KCNQ1: variants seen among roughly 807,000 people sequenced by gnomAD.
The protein encoded by KCNQ1 is potassium voltage-gated channel subfamily KQT member 1.
A neutral mutation model predicts 72.4 loss-of-function variants in KCNQ1; 49 were observed. That is an observed-to-expected ratio of 0.68 (90% CI 0.54 to 0.86). The LOEUF (loss-of-function observed/expected upper bound fraction) is 0.86. KCNQ1 is among the 40% of genes least tolerant of loss of function. The pLI is 0.00. For missense variants in KCNQ1, 790 were observed against 945.1 expected (o/e 0.84, Z 2.15); for synonymous variants, 450 against 412.6 (o/e 1.09, Z -1.10).
Position 2,587,646 on chromosome 11 carries a change from G to A in KCNQ1, c.1205G>A (p.Ser402Asn), listed in dbSNP as rs878853753. 1 of 1,613,956 alleles carries A rather than the reference G, an allele frequency of 6.2e-7. No individual in the cohort carries two copies. The highest frequency in any genetic ancestry group is 8.5e-7 in the Non-Finnish European group (1 of 1,180,022). The change falls in exon 9 of 16, where the codon AGC becomes AAC. Residue 402 changes from serine (S) to asparagine (N), a missense_variant. Around this residue, in one of 5 missense-constraint regions of KCNQ1, gnomAD observed 178 missense variants for 177.9 expected, o/e 1.00. Transcript: ENST00000155840. ...ATCTACATCCGGAAGGCCCCCCGGA[G>A]CCACACTCTGCTGTCACCCAGCCCC... The part of the protein sequence containing the change: ...WKIYIRKAPR[S>N]HTLLSPSPKP...
In KCNQ1 at chr11:2,526,145, C is replaced by T. The variant is rs545592636; in HGVS notation, c.387-1783C>T. Among the ~76,000 whole-genome samples the T allele has an allele frequency of 7.9e-5, 12 of 152,172 alleles. No individual in the cohort carries two copies. In the South Asian group the frequency reaches 1.7e-3, roughly 21 times the overall value. The stretch of plus-strand genomic sequence containing the variant: ...CACAGTCAGGACTGGCAACAAGGGC[C>T]GGGAGGAGCTGGGGTGATCTGGGGC... On this transcript the variant is annotated intron_variant, in intron 1 of 15. Transcript: ENST00000155840. This position sits in a 1 kb window ranked among gnomAD's most constrained non-coding sequence, Gnocchi z 6.1.
chr11:2,456,483 A>G (rs1046418341), intron 1 of KCNQ1, among the ~76,000 whole-genome samples: 4 of 152,198 alleles, frequency 2.6e-5, no homozygotes, highest in African/African-American at 9.7e-5. Flanking sequence ...GAGCTGCTGC[A>G]CAGCAAGAGA....
Position 2,446,632 on chromosome 11 carries a change from G to T in KCNQ1, c.386+1148G>T, listed in dbSNP as rs1057310134. On this transcript the variant is annotated intron_variant, in intron 1 of 15. Coordinates refer to ENST00000155840, the MANE Select transcript of KCNQ1 (RefSeq NM_000218.3). The surrounding 1 kb of genome is among the most constrained non-coding windows in gnomAD (Gnocchi z 8.8). ...CAGGTGAGGGGGTGGGGTAGGGGTC[G>T]CAGGGCTACTGCCTTCCTTGCTAAG... is the stretch of plus-strand genomic sequence containing the variant. Among the ~76,000 whole-genome samples the T allele has an allele frequency of 6.6e-6, 1 of 152,188 alleles. No homozygotes were observed. Among genetic ancestry groups the T allele is most frequent in the African/African-American group, 2.4e-5 (1 of 41,446 alleles).
intron 10 of KCNQ1, chr11:2,641,033 T>G (rs1849568529): frequency 5.0e-6 from 2 of 398,440 alleles, no homozygotes; most frequent in Non-Finnish European, 8.8e-6. Context: ...CCATTGTATA[T>G]ATTTACCTCA....
intron 15 of KCNQ1, among the ~76,000 whole-genome samples, chr11:2,838,237 G>C (rs1031581778): frequency 6.6e-6 from 1 of 152,242 alleles, no homozygotes; most frequent in African/African-American, 2.4e-5. Flanking sequence ...CCACTGGCAG[G>C]GTCGGGGGAC....
rs7104842 is a variant in KCNQ1 at position 2,603,362 on chromosome 11, G to A, written c.1393+14508G>A. On this transcript the variant is annotated intron_variant, in intron 10 of 15. Transcript: ENST00000155840. The surrounding 1 kb of genome is among the most constrained non-coding windows in gnomAD (Gnocchi z 4.1). ...AAAATGGCACTGATAGACTTGCTCA[G>A]TGCAGGCTTACCACACACATTTAAT... 0.3 allele frequency among the ~76,000 whole-genome samples: 45,644 copies of A among 152,102 alleles called. 7,979 individuals carry two copies. The highest frequency in any genetic ancestry group is 0.48 in the African/African-American group (19,974 of 41,470).
chr11:2,460,207 G>A (rs565151431), intron 1 of KCNQ1, among the ~76,000 whole-genome samples: 89 of 152,306 alleles, frequency 5.8e-4, no homozygotes, highest in African/African-American at 2.0e-3. Context: ...TCCGGGGCAG[G>A]GTGAGTCCCT....
At chr11:2,790,178 T>C (rs1381219178) in intron 15 of KCNQ1, among the ~76,000 whole-genome samples, 1 of 152,180 alleles carries the variant, frequency 6.6e-6, no homozygotes, top group African/African-American at 2.4e-5. Flanking sequence ...CACTGGGTGA[T>C]GGGACCGTGG....
chr11:2,641,158 A>C (rs998848025), intron 10 of KCNQ1: 2 of 398,372 alleles, frequency 5.0e-6, no homozygotes, highest in Non-Finnish European at 8.8e-6. Flanking sequence ...TAGTATACTG[A>C]TATCTTTTCC....
In KCNQ1 at chr11:2,544,294, GTATATATGTGTATATA is replaced by G. The variant is rs1564811967; in HGVS notation, c.477+16278_477+16293del. ...TGTATATATATGTGTATATATATAT[GTATATATGTGTATATA>G]TGTATATATCTATGTATATATATGT... On this transcript the variant is annotated intron_variant, in intron 2 of 15. Transcript: ENST00000155840. The surrounding 1 kb of genome is among the most constrained non-coding windows in gnomAD (Gnocchi z 4.4). Among the ~76,000 whole-genome samples the G allele has an allele frequency of 1.9e-5, 2 of 106,686 alleles. No homozygotes were observed. Among genetic ancestry groups the G allele is most frequent in the Non-Finnish European group, 3.7e-5 (2 of 54,124 alleles). The allele number at this position is 106,686 out of a possible 152,430, so 70.0% of individuals were successfully genotyped here.
At chr11:2,694,607 C>T (rs1178954795) in intron 11 of KCNQ1, 3 of 398,598 alleles carry the variant, frequency 7.5e-6, no homozygotes, top group Non-Finnish European at 8.8e-6. Context: ...CCTCTTCCTT[C>T]GTTCAATAAA....
chr11:2,721,558 C>T (rs533984195), intron 11 of KCNQ1, among the ~76,000 whole-genome samples: 12 of 152,334 alleles, frequency 7.9e-5, no homozygotes, highest in African/African-American at 2.2e-4. Context: ...ATTTACATTC[C>T]GGCGGTCAGC....
In KCNQ1 at chr11:2,559,452, C is replaced by G. The variant is rs921450523; in HGVS notation, c.478-11176C>G. 1.3e-5 allele frequency among the ~76,000 whole-genome samples: 2 copies of G among 152,164 alleles called. No homozygotes were observed. Among genetic ancestry groups the G allele is most frequent in the African/African-American group, 4.8e-5 (2 of 41,430 alleles). On this transcript the variant is annotated intron_variant, in intron 2 of 15. Coordinates refer to ENST00000155840, the MANE Select transcript of KCNQ1 (RefSeq NM_000218.3). The surrounding 1 kb of genome is among the most constrained non-coding windows in gnomAD (Gnocchi z 4.9). ...GGGCCAGCCCCTGTGGTTTTAGCCT[C>G]CTGAGAGTCTCCCCAGACAGCCCAC...
At position 2,847,729 on chromosome 11, in the gene KCNQ1, C is replaced by T. The variant is rs1267436713; in HGVS notation, c.1795-38C>T. 5 of 1,550,872 alleles carry T rather than the reference C, an allele frequency of 3.2e-6. No homozygotes were observed. The African/African-American group carries it at 6.8e-5, about 21-fold the overall frequency. On this transcript the variant is annotated intron_variant, in intron 15 of 15. Coordinates refer to ENST00000155840, the MANE Select transcript of KCNQ1 (RefSeq NM_000218.3). ...AGGCTGTCTGCACACCTGGGTGCTT[C>T]CCACCACTGACTCTCTCGTCTGCCT...
chr11:2,600,405 A>G lies in KCNQ1; in HGVS notation c.1393+11551A>G, dbSNP rs1268481201. Reference sequence around the variant, plus strand: ...AAACACCTACATACCCTTCACTAAGATTTACCAGTTTACTAATTGTTACAT... The same window carrying G: ...AAACACCTACATACCCTTCACTAAGGTTTACCAGTTTACTAATTGTTACAT... On this transcript the variant is annotated intron_variant, in intron 10 of 15. Coordinates refer to ENST00000155840, the MANE Select transcript of KCNQ1 (RefSeq NM_000218.3). This position sits in a 1 kb window ranked among gnomAD's most constrained non-coding sequence, Gnocchi z 5.6. 5.3e-5 allele frequency among the ~76,000 whole-genome samples: 8 copies of G among 152,316 alleles called. No individual in the cohort carries two copies. In the South Asian group the frequency reaches 1.7e-3, roughly 32 times the overall value.
Position 2,624,886 on chromosome 11 carries a change from G to C in KCNQ1, c.1393+36032G>C. ...ATTTCATTTAACATAATGGCCTCGA[G>C]GTTCATCCATGTTGTGGCATGTGTC... On this transcript the variant is annotated intron_variant, in intron 10 of 15. Transcript: ENST00000155840. The surrounding 1 kb of genome is among the most constrained non-coding windows in gnomAD (Gnocchi z 4.9). The C allele has an allele frequency of 2.5e-6, 1 of 398,264 alleles. No homozygotes were observed. Among genetic ancestry groups the C allele is most frequent in the Non-Finnish European group, 4.4e-6 (1 of 226,014 alleles). 24.7% of individuals were successfully genotyped at this position (398,264 alleles called of 1,614,324 possible).
chr11:2,813,115 G>T lies in KCNQ1; in HGVS notation c.1795-34652G>T, dbSNP rs1013330296. ...CCTGTGAGAACCCTGTGCCTAGAAC[G>T]GAGCCTGGTACAGAGGAAGAACCCG... On this transcript the variant is annotated intron_variant, in intron 15 of 15. Coordinates refer to ENST00000155840, the MANE Select transcript of KCNQ1 (RefSeq NM_000218.3). The surrounding 1 kb of genome is among the most constrained non-coding windows in gnomAD (Gnocchi z 4.4). Among the ~76,000 whole-genome samples, 1 of 152,218 alleles carries T rather than the reference G, an allele frequency of 6.6e-6. No individual in the cohort carries two copies. The highest frequency in any genetic ancestry group is 1.5e-5 in the Non-Finnish European group (1 of 68,038).
At chr11:2,773,063 G>A (rs12420943) in intron 12 of KCNQ1, among the ~76,000 whole-genome samples, 19,750 of 152,222 alleles carry the variant, frequency 0.13, 1,383 homozygotes, top group Middle Eastern at 0.19. Flanking sequence ...CCCATCCTAT[G>A]TCATCCTCAC....
intron 10 of KCNQ1, among the ~76,000 whole-genome samples, chr11:2,605,840 G>T (rs1016236733): frequency 6.6e-6 from 1 of 152,182 alleles, no homozygotes; most frequent in African/African-American, 2.4e-5. Flanking sequence ...TAAGGATTGT[G>T]TTGAGTTTGT....
Sources: gnomAD v4.1 joint callset for allele counts (sites outside exome capture counted in the v4.1 genomes callset) on GRCh38, gnomAD v4.1.1 for gene constraint, gnomAD v4.1.1 regional missense constraint, Gnocchi (gnomAD v3.1) non-coding constraint, MANE v1.5 for transcripts, NCBI Gene and HGNC (gene_info 2026-07-23, HGNC 2026-07-21) for gene names.